CCDC171: variants seen among roughly 807,000 people sequenced by gnomAD.
CCDC171 encodes the protein coiled-coil domain containing 171, also known as coiled-coil domain-containing protein 171.
A neutral mutation model predicts 168.2 loss-of-function variants in CCDC171; 177 were observed. The observed-to-expected ratio is 1.05, with a 90% confidence interval of 0.93 to 1.19. CCDC171 has a LOEUF of 1.19. Ranked by LOEUF, CCDC171 falls within the 50% of genes most tolerant of loss-of-function variation. The probability of loss-of-function intolerance (pLI) is 0.00; values close to 1 mark genes in which losing one functional copy is unlikely to be tolerated. For synonymous variants in CCDC171, 687 were observed against 540.8 expected (o/e 1.27, Z -3.75); for missense variants, 1,991 against 1,539.0 (o/e 1.29, Z -4.91).
intron 24 of CCDC171, among the ~76,000 whole-genome samples, chr9:15,898,504 G>A (rs1821198038): frequency 6.6e-6 from 1 of 152,120 alleles, no homozygotes; most frequent in Non-Finnish European, 1.5e-5. Context: ...TCAAGTATCT[G>A]CATAAGAAGT....
chr9:15,859,861 A>G (rs2061489734), intron 23 of CCDC171, among the ~76,000 whole-genome samples: 1 of 151,644 alleles, frequency 6.6e-6, no homozygotes. Context: ...AAGAGACAGC[A>G]TCTCACTATG....
In CCDC171 at chr9:15,595,403, G is replaced by GT. The variant is rs554767999; in HGVS notation, c.675+1237dup. Among the ~76,000 whole-genome samples the GT allele has an allele frequency of 5.0e-3, 762 of 152,154 alleles. 9 individuals carry two copies. Among genetic ancestry groups the GT allele is most frequent in the African/African-American group, 0.017 (698 of 41,506 alleles). Reference sequence around the variant, plus strand: ...TATGAGTGAGAACATGTGGTGTTTGGTTTTTTCTCCTTGCGATAGTTTGCT... The same window carrying GT: ...TATGAGTGAGAACATGTGGTGTTTGGTTTTTTTCTCCTTGCGATAGTTTGCT... On this transcript the variant is annotated intron_variant, in intron 6 of 25. Coordinates refer to ENST00000380701, the MANE Select transcript of CCDC171 (RefSeq NM_173550.4).
Position 15,574,615 on chromosome 9 carries a change from T to C in CCDC171, c.177+2856T>C, listed in dbSNP as rs59018989. Among the ~76,000 whole-genome samples the C allele has an allele frequency of 3.8e-3, 580 of 152,258 alleles. 1 individual carries two copies. The highest frequency in any genetic ancestry group is 0.014 in the African/African-American group (567 of 41,554). ...AATTATTTCTTTAGATGATCATACT[T>C]GTATTATGTAGTTAAATTTTTTAGC... On this transcript the variant is annotated intron_variant, in intron 3 of 25. Coordinates refer to ENST00000380701, the MANE Select transcript of CCDC171 (RefSeq NM_173550.4).
chr9:16,101,318 G>A, the CCDC171 span, among the ~76,000 whole-genome samples: 68 of 152,336 alleles, frequency 4.5e-4, no homozygotes, highest in African/African-American at 1.5e-3. Flanking sequence ...AATATTGTGT[G>A]AGAAATAATT....
intron 3 of CCDC171, among the ~76,000 whole-genome samples, chr9:16,007,900 G>A (rs1346599286): frequency 6.6e-6 from 1 of 152,114 alleles, no homozygotes. Flanking sequence ...GCTTAGGATT[G>A]ACTTTCTTTG....
intron 16 of CCDC171, among the ~76,000 whole-genome samples, chr9:15,733,207 G>A (rs748350042): frequency 6.6e-6 from 1 of 152,018 alleles, no homozygotes; most frequent in African/African-American, 2.4e-5. Context: ...ACATACCGGA[G>A]GTTCAGGTCA....
chr9:15,856,718 A>T (rs1417421651), intron 23 of CCDC171, among the ~76,000 whole-genome samples: 1 of 152,000 alleles, frequency 6.6e-6, no homozygotes, highest in Non-Finnish European at 1.5e-5. Flanking sequence ...TTAGATAAAT[A>T]CCCAGAAGTG....
chr9:15,928,235 G>T (rs796584328), intron 25 of CCDC171, among the ~76,000 whole-genome samples: 1 of 151,756 alleles, frequency 6.6e-6, no homozygotes, highest in Non-Finnish European at 1.5e-5. Context: ...AAGTACAAGC[G>T]TAGGGTGCTT....
At chr9:16,014,414 T>C (rs1238989863) in intron 3 of CCDC171, among the ~76,000 whole-genome samples, 1 of 152,204 alleles carries the variant, frequency 6.6e-6, no homozygotes, top group Non-Finnish European at 1.5e-5. Context: ...TGCATGAATA[T>C]TGGAATCAGT....
intron 11 of CCDC171, among the ~76,000 whole-genome samples, chr9:15,719,445 A>C (rs7867418): frequency 3.2e-5 from 2 of 62,430 alleles, no homozygotes; most frequent in African/African-American, 1.4e-4. Context: ...AGAGAGAGAG[A>C]GAAAGTTTAT....
intron 6 of CCDC171, among the ~76,000 whole-genome samples, chr9:15,612,452 A>T (rs1232822893): frequency 6.6e-6 from 1 of 152,168 alleles, no homozygotes; most frequent in African/African-American, 2.4e-5. Context: ...AGAGATGATT[A>T]GCTATGTTTA....
intron 24 of CCDC171, among the ~76,000 whole-genome samples, chr9:15,884,541 G>A (rs1819135170): frequency 6.6e-6 from 1 of 152,158 alleles, no homozygotes. Flanking sequence ...TTTCTTAACA[G>A]CATAGTATTT....
chr9:15,860,826 G>C (rs554943036), intron 23 of CCDC171, among the ~76,000 whole-genome samples: 1 of 151,656 alleles, frequency 6.6e-6, no homozygotes, highest in African/African-American at 2.4e-5. Context: ...TGTTCTCCCC[G>C]TTATTGGAAG....
At chr9:16,006,575 TC>T (rs1194728357) in intron 3 of CCDC171, among the ~76,000 whole-genome samples, 1 of 140,396 alleles carries the variant, frequency 7.1e-6, no homozygotes, top group East Asian at 2.4e-4. Context: ...ATGCTATCCC[TC>T]CCCCCTCCCC....
intron 3 of CCDC171, among the ~76,000 whole-genome samples, chr9:15,983,931 C>G (rs1831893086): frequency 6.6e-6 from 1 of 150,864 alleles, no homozygotes; most frequent in South Asian, 2.1e-4. Context: ...GTAGATAAAA[C>G]AGAAACTCTA....
chr9:15,663,509 T>C (rs535921893), intron 8 of CCDC171, among the ~76,000 whole-genome samples: 10 of 152,236 alleles, frequency 6.6e-5, no homozygotes, highest in Non-Finnish European at 1.0e-4. Flanking sequence ...TAGCATACTA[T>C]ATACGCTGAT....
At chr9:15,580,353 A>G (rs1275132063) in intron 4 of CCDC171, among the ~76,000 whole-genome samples, 1 of 152,222 alleles carries the variant, frequency 6.6e-6, no homozygotes, top group Non-Finnish European at 1.5e-5. Context: ...ACAAAAACAA[A>G]GATAAATAGA....
chr9:15,762,358 A>G (rs566724798), intron 18 of CCDC171, among the ~76,000 whole-genome samples: 2 of 152,322 alleles, frequency 1.3e-5, no homozygotes, highest in East Asian at 3.9e-4. Flanking sequence ...TTTGCAAAAT[A>G]CAACATAATA....
At chr9:16,026,091 C>A (rs1833269993) in intron 6 of CCDC171, among the ~76,000 whole-genome samples, 2 of 152,102 alleles carry the variant, frequency 1.3e-5, no homozygotes, top group African/African-American at 4.8e-5. Context: ...TCAGAGATAC[C>A]ATGTCACGCT....
Sources: allele counts gnomAD v4.1 joint callset (sites outside exome capture counted in the v4.1 genomes callset), GRCh38; gene constraint gnomAD v4.1.1; transcripts MANE v1.5; gene names NCBI Gene and HGNC (gene_info 2026-07-23, HGNC 2026-07-21).